Variants in GLG1 observed in about 807,000 individuals in gnomAD.
The protein encoded by GLG1 is golgi glycoprotein 1.
A neutral mutation model predicts 160.5 loss-of-function variants in GLG1; 38 were observed. The observed-to-expected ratio is 0.24, with a 90% confidence interval of 0.18 to 0.31. The LOEUF (loss-of-function observed/expected upper bound fraction) is 0.31, where lower values mean the gene tolerates loss of function less well. Ranked by LOEUF, GLG1 falls within the 10% of genes least tolerant of loss-of-function variation. The probability of loss-of-function intolerance (pLI) is 1.00; values close to 1 mark genes in which losing one functional copy is unlikely to be tolerated. For missense variants in GLG1, 1,373 were observed against 1,505.2 expected (o/e 0.91, Z 1.45); for synonymous variants, 644 against 543.4 (o/e 1.19, Z -2.57).
At chr16:74,476,490 A>C (rs535891179) in intron 12 of GLG1, among the ~76,000 whole-genome samples, 54 of 152,308 alleles carry the variant, frequency 3.5e-4, no homozygotes, top group Admixed American at 1.2e-3. Flanking sequence ...TGTACGTGTG[A>C]CTTTTTCATA....
chr16:74,577,983 G>C (rs1957853514), intron 1 of GLG1, among the ~76,000 whole-genome samples: 1 of 151,988 alleles, frequency 6.6e-6, no homozygotes, highest in Non-Finnish European at 1.5e-5. Context: ...GACCAGCCTG[G>C]ACAGTAGAGA....
chr16:74,564,170 C>T (rs146601071), intron 1 of GLG1, among the ~76,000 whole-genome samples: 5 of 152,296 alleles, frequency 3.3e-5, no homozygotes, highest in Admixed American at 6.5e-5. Flanking sequence ...CCTCCCGCTT[C>T]GGCCTTCCAA....
At chr16:74,502,809 A>T (rs1362977352) in intron 4 of GLG1, among the ~76,000 whole-genome samples, 11 of 136,732 alleles carry the variant, frequency 8.0e-5, no homozygotes, top group Non-Finnish European at 1.5e-4. Context: ...TGACCTCGTG[A>T]TCTGCCCACC....
At chr16:74,580,752 T>A (rs1957920668) in intron 1 of GLG1, among the ~76,000 whole-genome samples, 2 of 152,220 alleles carry the variant, frequency 1.3e-5, no homozygotes, top group Admixed American at 1.3e-4. Flanking sequence ...TATTTGCAGG[T>A]CATCTATCTG....
intron 22 of GLG1, among the ~76,000 whole-genome samples, chr16:74,461,331 C>A (rs950786482): frequency 6.6e-6 from 1 of 151,052 alleles, no homozygotes; most frequent in Admixed American, 6.6e-5. Context: ...CCGGGCCGGG[C>A]TAATGTTTTT....
At chr16:74,598,859 G>C (rs1291446080) in intron 1 of GLG1, among the ~76,000 whole-genome samples, 1 of 151,632 alleles carries the variant, frequency 6.6e-6, no homozygotes, top group Non-Finnish European at 1.5e-5. Flanking sequence ...ACTCCAGCCT[G>C]AGCAAGAGCG....
intron 22 of GLG1, 26 bp from the exon 23 acceptor site, chr16:74,459,815 G>A (rs1277209063): frequency 6.9e-6 from 8 of 1,154,788 alleles, no homozygotes; most frequent in Non-Finnish European, 1.0e-5. Flanking sequence ...AAAAAACAAA[G>A]CTACCCCACT....
chr16:74,470,098 C>A, intron 15 of GLG1, 25 bp from the exon 16 acceptor site: 1 of 1,490,648 alleles, frequency 6.7e-7, no homozygotes, highest in Non-Finnish European at 9.3e-7. Context: ...GAAAGAAAGT[C>A]AGAAGTTTTG....
chr16:74,495,171 T>C (rs2016141143), intron 5 of GLG1, among the ~76,000 whole-genome samples: 1 of 146,034 alleles, frequency 6.8e-6, no homozygotes, highest in Non-Finnish European at 1.5e-5. Context: ...TGGAGTGCAG[T>C]GGCACAATCT....
intron 1 of GLG1, among the ~76,000 whole-genome samples, chr16:74,560,167 G>T (rs928795707): frequency 6.6e-6 from 1 of 152,090 alleles, no homozygotes; most frequent in South Asian, 2.1e-4. Context: ...TGGACAGGCA[G>T]ACTAGCAAAG....
chr16:74,487,755 A>G (rs2015844715), intron 8 of GLG1, among the ~76,000 whole-genome samples: 1 of 152,202 alleles, frequency 6.6e-6, no homozygotes, highest in African/African-American at 2.4e-5. Context: ...AAACGTCAAG[A>G]AACAATACAT....
intron 1 of GLG1, among the ~76,000 whole-genome samples, chr16:74,541,718 C>A (rs2017872238): frequency 6.6e-6 from 1 of 152,124 alleles, no homozygotes; most frequent in Non-Finnish European, 1.5e-5. Flanking sequence ...TTACTGCTAT[C>A]CAAGAGGCCA....
Position 74,491,036 on chromosome 16 carries a change from C to G in GLG1, c.1414G>C (p.Glu472Gln). The G allele has an allele frequency of 6.2e-7, 1 of 1,614,142 alleles. No individual in the cohort carries two copies. The highest frequency in any genetic ancestry group is 8.5e-7 in the Non-Finnish European group (1 of 1,179,966). The change falls in exon 8 of 26, where the codon GAG (glutamate) becomes CAG (glutamine). Residue 472 changes from glutamate (E) to glutamine (Q), a missense_variant. Coordinates refer to ENST00000422840, the MANE Select transcript of GLG1 (RefSeq NM_001145667.2). ...CAGTTCATTCCAAGGTTCCCCTTCT[C>G]CCCTCGAACTACTTTCATCAGACAG... ...LHCLMKVVRG[E>Q]KGNLGMNCQQ...
intron 1 of GLG1, among the ~76,000 whole-genome samples, chr16:74,565,391 G>A (rs1225749523): frequency 6.6e-6 from 1 of 152,176 alleles, no homozygotes; most frequent in African/African-American, 2.4e-5. Flanking sequence ...GTTAAAGTTA[G>A]CCTAAAGCTG....
chr16:74,540,058 T>A (rs775224101), intron 1 of GLG1, among the ~76,000 whole-genome samples: 72 of 2,818 alleles, frequency 0.026, 29 homozygotes, highest in East Asian at 0.05. Flanking sequence ...TATATATATT[T>A]TATATATATA....
intron 4 of GLG1, among the ~76,000 whole-genome samples, chr16:74,496,896 G>A (rs1174498440): frequency 6.6e-6 from 1 of 152,140 alleles, no homozygotes; most frequent in Non-Finnish European, 1.5e-5. Flanking sequence ...TGGAAACAGA[G>A]ATCCTGGAAA....
intron 7 of GLG1, among the ~76,000 whole-genome samples, chr16:74,491,627 T>C (rs1485081370): frequency 1.4e-5 from 2 of 145,156 alleles, no homozygotes; most frequent in East Asian, 4.1e-4. Flanking sequence ...TAAATGCCAA[T>C]GGGGAAAACT....
chr16:74,553,526 G>A (rs2143706834), intron 1 of GLG1, among the ~76,000 whole-genome samples: 1 of 136,446 alleles, frequency 7.3e-6, no homozygotes, highest in South Asian at 2.4e-4. Context: ...AGGCTGGAGT[G>A]CAGTGGCACG....
At chr16:74,468,603 G>C (rs568670856) in intron 17 of GLG1, 1 of 232,150 alleles carries the variant, frequency 4.3e-6, no homozygotes, top group Admixed American at 4.8e-5. Flanking sequence ...CTGACCTCAA[G>C]CGATCCACCT....
Sources: allele counts gnomAD v4.1 joint callset (sites outside exome capture counted in the v4.1 genomes callset), GRCh38; gene constraint gnomAD v4.1.1; transcripts MANE v1.5; gene names NCBI Gene and HGNC (gene_info 2026-07-23, HGNC 2026-07-21).